TAFA1: variants seen among roughly 807,000 people sequenced by gnomAD.
The protein encoded by TAFA1 is chemokine-like protein TAFA-1.
Under a neutral mutation model 18.5 loss-of-function variants are expected in TAFA1, and 4 were observed. The observed-to-expected ratio is 0.22, with a 90% CI of 0.11 to 0.49. The LOEUF (loss-of-function observed/expected upper bound fraction) is 0.49. TAFA1 is among the 20% of genes least tolerant of loss of function. The pLI, the probability that TAFA1 is intolerant of heterozygous loss-of-function variation, is 0.98. For missense variants in TAFA1, 147 were observed against 169.0 expected, an observed-to-expected ratio of 0.87 and a Z score of 0.72; for synonymous variants, 56 against 55.2, an observed-to-expected ratio of 1.01 and a Z score of -0.06.
At chr3:68,504,625 A>G (rs1277175941) in intron 3 of TAFA1, among the ~76,000 whole-genome samples, 2 of 152,136 alleles carry the variant, frequency 1.3e-5, no homozygotes, top group Non-Finnish European at 2.9e-5. Flanking sequence ...GCCCCTTAAT[A>G]CAGAAAAGGA....
intron 2 of TAFA1, among the ~76,000 whole-genome samples, chr3:68,197,783 G>A (rs1407966556): frequency 6.6e-6 from 1 of 151,688 alleles, no homozygotes; most frequent in Non-Finnish European, 1.5e-5. Flanking sequence ...ATTCACTGGT[G>A]AGAAAAAGCA....
At chr3:68,251,292 G>A (rs1165017131) in intron 2 of TAFA1, among the ~76,000 whole-genome samples, 1 of 152,164 alleles carries the variant, frequency 6.6e-6, no homozygotes, top group African/African-American at 2.4e-5. Context: ...TGCCCACAGT[G>A]TGGCATTTCC....
intron 2 of TAFA1, among the ~76,000 whole-genome samples, chr3:68,007,546 T>G (rs1296197090): frequency 6.6e-6 from 1 of 152,080 alleles, no homozygotes; most frequent in African/African-American, 2.4e-5. Flanking sequence ...TTCCATTTTC[T>G]GTTCAGTATC....
chr3:68,099,221 C>T (rs1404901469), intron 2 of TAFA1, among the ~76,000 whole-genome samples: 5 of 151,994 alleles, frequency 3.3e-5, no homozygotes, highest in African/African-American at 1.2e-4. Flanking sequence ...AAACAGATAA[C>T]CTACAAAAGG....
upstream of TAFA1, among the ~76,000 whole-genome samples, chr3:67,999,267 TCCCCC>T (rs66913469): frequency 0.031 from 4,460 of 143,206 alleles, 81 homozygotes; most frequent in Non-Finnish European, 0.042. Context: ...ATTCTCTCTA[TCCCCC>T]CCCCCCCCCT....
rs73101181 is a variant in TAFA1, at chr3:68,399,262, T to C, written c.119-18018T>C. 5.6e-3 allele frequency among the ~76,000 whole-genome samples: 851 copies of C among 152,300 alleles called. 2 individuals are homozygous for C. Among genetic ancestry groups the C allele is most frequent in the Admixed American group, 8.3e-3 (127 of 15,278 alleles). The stretch of plus-strand genomic sequence containing the variant: ...TCAAAGAGTTTAAGAAATGTATCCA[T>C]TTTACATGGTTTATAAGTAGTAGGG... On this transcript the variant is annotated intron_variant, in intron 2 of 4. Transcript: ENST00000478136.
At chr3:68,049,806 T>C (rs2064443325) in intron 2 of TAFA1, among the ~76,000 whole-genome samples, 1 of 152,036 alleles carries the variant, frequency 6.6e-6, no homozygotes, top group Non-Finnish European at 1.5e-5. Context: ...GGAGAGAACA[T>C]TTTCTGCATA....
intron 2 of TAFA1, among the ~76,000 whole-genome samples, chr3:68,386,481 A>G (rs979770587): frequency 3.9e-5 from 6 of 152,136 alleles, no homozygotes; most frequent in African/African-American, 1.4e-4. Flanking sequence ...ATTTGGGTCA[A>G]TCATTTCCAT....
At chr3:68,032,170 A>T (rs754944242) in intron 2 of TAFA1, among the ~76,000 whole-genome samples, 54 of 152,088 alleles carry the variant, frequency 3.6e-4, no homozygotes, top group Non-Finnish European at 3.7e-4. Flanking sequence ...GGTCTATATG[A>T]GATTCATTAG....
intron 2 of TAFA1, among the ~76,000 whole-genome samples, chr3:68,244,349 A>C (rs1232479838): frequency 6.6e-6 from 1 of 151,680 alleles, no homozygotes; most frequent in South Asian, 2.1e-4. Context: ...GGTTTAGAAG[A>C]TCTCCTATTT....
intron 3 of TAFA1, among the ~76,000 whole-genome samples, chr3:68,481,068 C>T (rs191549960): frequency 5.3e-5 from 8 of 152,280 alleles, no homozygotes; most frequent in Admixed American, 4.6e-4. Context: ...ATCCATTAAA[C>T]CTCTTTTCTT....
intron 2 of TAFA1, among the ~76,000 whole-genome samples, chr3:68,287,908 G>GGC (rs1559600601): frequency 1.4e-5 from 1 of 70,814 alleles, no homozygotes; most frequent in Non-Finnish European, 3.1e-5. Flanking sequence ...TGTTTTTGTT[G>GGC]GGGGGTGGGG....
chr3:68,462,193 AAAG>A (rs1267152968), intron 3 of TAFA1, among the ~76,000 whole-genome samples: 6 of 152,156 alleles, frequency 3.9e-5, no homozygotes, highest in African/African-American at 1.2e-4. Context: ...ATATAATTAA[AAAG>A]AAATAAAATT....
At chr3:68,030,898 G>C (rs970031010) in intron 2 of TAFA1, among the ~76,000 whole-genome samples, 1 of 152,118 alleles carries the variant, frequency 6.6e-6, no homozygotes, top group Non-Finnish European at 1.5e-5. Context: ...GGAATAGAAA[G>C]GATGTCCCCT....
At chr3:68,278,678 C>A (rs1021865126) in intron 2 of TAFA1, among the ~76,000 whole-genome samples, 2 of 152,212 alleles carry the variant, frequency 1.3e-5, no homozygotes, top group East Asian at 1.9e-4. Flanking sequence ...CCCCTTGCAC[C>A]TTTTCTTAGC....
chr3:68,209,904 G>A (rs1011402251), intron 2 of TAFA1, among the ~76,000 whole-genome samples: 17 of 151,904 alleles, frequency 1.1e-4, no homozygotes, highest in South Asian at 2.1e-4. Flanking sequence ...TGTGGAGCCC[G>A]TAGTAGCTGA....
chr3:68,277,441 T>C (rs1055245507), intron 2 of TAFA1, among the ~76,000 whole-genome samples: 1 of 151,878 alleles, frequency 6.6e-6, no homozygotes, highest in South Asian at 2.1e-4. Flanking sequence ...CAAAACAGCT[T>C]CTCCTTCTTA....
At chr3:68,008,802 T>G (rs1704414773) in intron 2 of TAFA1, among the ~76,000 whole-genome samples, 1 of 152,022 alleles carries the variant, frequency 6.6e-6, no homozygotes, top group African/African-American at 2.4e-5. Flanking sequence ...TGGCACGTGG[T>G]TGAGGGGGAA....
chr3:67,998,973 T>A, the TAFA1 span, among the ~76,000 whole-genome samples: 1 of 152,210 alleles, frequency 6.6e-6, no homozygotes. Context: ...AAGGTTACTA[T>A]CAGGTAATTA....
Sources: allele counts gnomAD v4.1 joint callset (sites outside exome capture counted in the v4.1 genomes callset), GRCh38; gene constraint gnomAD v4.1.1; transcripts MANE v1.5; gene names NCBI Gene and HGNC (gene_info 2026-07-23, HGNC 2026-07-21).